The following HIPK3 variants were observed in gnomAD, a reference collection of about 807,000 sequenced individuals.
HIPK3 encodes the protein homeodomain-interacting protein kinase 3.
HIPK3 carries 47 observed loss-of-function variants against 124.2 expected under a neutral mutation model. That is an observed-to-expected ratio of 0.38 (90% CI 0.30 to 0.48). The LOEUF (loss-of-function observed/expected upper bound fraction) is 0.48, where lower values mean the gene tolerates loss of function less well. Ranked by LOEUF, HIPK3 falls within the 20% of genes least tolerant of loss-of-function variation. The pLI is 0.98. For synonymous variants in HIPK3, 482 were observed against 515.2 expected (o/e 0.94, Z 0.87); for missense variants, 1,286 against 1,454.3 (o/e 0.88, Z 1.88).
At chr11:33,301,856 GAGTAC>G (rs1162507006) in intron 2 of HIPK3, among the ~76,000 whole-genome samples, 1 of 34,882 alleles carries the variant, frequency 2.9e-5, no homozygotes, top group Admixed American at 2.8e-4. Context: ...ACACACACAC[GAGTAC>G]AGTACAGTAC....
At chr11:33,315,074 C>T (rs911966846) in intron 2 of HIPK3, among the ~76,000 whole-genome samples, 6 of 152,124 alleles carry the variant, frequency 3.9e-5, no homozygotes, top group South Asian at 2.1e-4. Flanking sequence ...ATTAATTTTT[C>T]GACATTAACA....
At chr11:33,312,612 T>G (rs1027920607) in intron 2 of HIPK3, among the ~76,000 whole-genome samples, 3 of 152,232 alleles carry the variant, frequency 2.0e-5, no homozygotes, top group African/African-American at 7.2e-5. Flanking sequence ...CTTTCCAGTC[T>G]TCTTAACAGA....
upstream of HIPK3, among the ~76,000 whole-genome samples, chr11:33,256,956 G>A (rs575707803): frequency 3.1e-4 from 47 of 152,338 alleles, no homozygotes; most frequent in African/African-American, 1.1e-3. Flanking sequence ...ACGACCAAAT[G>A]CCGAGAAACA....
At chr11:33,310,196 A>G (rs1271438224) in intron 2 of HIPK3, among the ~76,000 whole-genome samples, 1 of 152,244 alleles carries the variant, frequency 6.6e-6, no homozygotes, top group East Asian at 1.9e-4. Context: ...TATGGTAGCC[A>G]CTAATCACTG....
intron 7 of HIPK3, 127 bp from the exon 8 acceptor site, chr11:33,341,436 T>C: frequency 2.9e-6 from 3 of 1,033,170 alleles, no homozygotes; most frequent in Non-Finnish European, 4.0e-6. Context: ...AGCTTGTTTT[T>C]GTTCTCATTT....
intron 2 of HIPK3, among the ~76,000 whole-genome samples, chr11:33,304,097 C>T (rs184687545): frequency 6.6e-6 from 1 of 152,196 alleles, no homozygotes; most frequent in Non-Finnish European, 1.5e-5. Flanking sequence ...TGCACCAGCA[C>T]GTCCAGCTAA....
intron 2 of HIPK3, among the ~76,000 whole-genome samples, chr11:33,290,672 CG>C (rs1851675942): frequency 6.8e-6 from 1 of 147,032 alleles, no homozygotes; most frequent in Non-Finnish European, 1.5e-5. Context: ...GAATGTCTGT[CG>C]GTTTACTAAA....
intron 1 of HIPK3, among the ~76,000 whole-genome samples, chr11:33,269,461 TTC>T (rs559293619): frequency 4.6e-5 from 7 of 151,736 alleles, no homozygotes; most frequent in Non-Finnish European, 1.0e-4. Context: ...AAACTTAAAG[TTC>T]TGTTTTTTTT....
intron 1 of HIPK3, among the ~76,000 whole-genome samples, chr11:33,284,042 G>T (rs745861143): frequency 1.3e-5 from 2 of 152,164 alleles, no homozygotes; most frequent in Non-Finnish European, 2.9e-5. Context: ...TGTAAATAAA[G>T]TGTTAAACTG....
intron 1 of HIPK3, among the ~76,000 whole-genome samples, chr11:33,269,478 C>CT (rs940779039): frequency 8.0e-5 from 12 of 150,810 alleles, no homozygotes; most frequent in East Asian, 1.9e-4. Flanking sequence ...TTTTTTCCTG[C>CT]TTTTTTTTTG....
intron 2 of HIPK3, among the ~76,000 whole-genome samples, chr11:33,289,908 T>C (rs1851654824): frequency 6.6e-6 from 1 of 152,212 alleles, no homozygotes; most frequent in African/African-American, 2.4e-5. Flanking sequence ...AGCGAGAACA[T>C]TGTGAAGTTT....
chr11:33,333,508 A>G (rs117163270), intron 3 of HIPK3, among the ~76,000 whole-genome samples: 1 of 152,292 alleles, frequency 6.6e-6, no homozygotes, highest in Non-Finnish European at 1.5e-5. Context: ...AGTTGAGTTC[A>G]TGAGGCCAGT....
intron 1 of HIPK3, among the ~76,000 whole-genome samples, chr11:33,280,531 A>G (rs1175527570): frequency 1.3e-5 from 2 of 152,120 alleles, no homozygotes; most frequent in African/African-American, 4.8e-5. Flanking sequence ...ATGCCTTCTG[A>G]TGAACTATAA....
intron 5 of HIPK3, 28 bp downstream of exon 5, chr11:33,338,871 C>T (rs759749136): frequency 5.4e-5 from 81 of 1,495,384 alleles, no homozygotes; most frequent in Middle Eastern, 3.4e-4. Context: ...ATTTGTTCAT[C>T]TTACATGCTT....
intron 1 of HIPK3, among the ~76,000 whole-genome samples, chr11:33,273,528 A>C: frequency 6.6e-6 from 1 of 150,922 alleles, no homozygotes; most frequent in Non-Finnish European, 1.5e-5. Flanking sequence ...AAAAAAAAAA[A>C]AAAAAAAAAA....
Position 33,341,056 on chromosome 11 carries a change from A to G in HIPK3, c.1702A>G (p.Arg568Gly), listed in dbSNP as rs765982323. The stretch of plus-strand genomic sequence containing the variant: ...TAATCACAACAAAACTTCACTTTTA[A>G]GACCAGTTGCTTCAAGCAGTACTGC... Reference protein sequence around the residue: ...TNNHNKTSLLRPVASSSTATL... With the variant: ...TNNHNKTSLLGPVASSSTATL... Residue 568 changes from arginine to glycine, a missense_variant, in exon 7 of 17, where the codon AGA becomes GGA. By Grantham distance (125) the Arg-to-Gly change is moderately radical. Transcript: ENST00000303296. 2 of 1,612,270 alleles carry G rather than the reference A, an allele frequency of 1.2e-6. No individual in the cohort carries two copies. The highest frequency in any genetic ancestry group is 1.7e-6 in the Non-Finnish European group (2 of 1,178,754).
In HIPK3 at chr11:33,268,872, G is replaced by A. The variant is rs957895953; in HGVS notation, c.-3+10983G>A. 7.2e-5 allele frequency among the ~76,000 whole-genome samples: 11 copies of A among 152,036 alleles called. No homozygotes were observed. In the East Asian group the frequency reaches 1.2e-3, roughly 16 times the overall value. ...AAATGATTTTGCATTAATTCTATTG[G>A]AAGAAAATGAAATACCTCAACTTCC... On this transcript the variant is annotated intron_variant, in intron 1 of 16. Coordinates refer to ENST00000303296, the MANE Select transcript of HIPK3 (RefSeq NM_005734.5).
At chr11:33,292,467 C>T (rs1305997019) in intron 2 of HIPK3, among the ~76,000 whole-genome samples, 1 of 152,110 alleles carries the variant, frequency 6.6e-6, no homozygotes, top group East Asian at 1.9e-4. Flanking sequence ...GGCTCCGAGC[C>T]TGATCTGAGG....
intron 2 of HIPK3, among the ~76,000 whole-genome samples, chr11:33,313,977 G>GGACT (rs936701799): frequency 6.6e-6 from 1 of 151,966 alleles, no homozygotes; most frequent in Non-Finnish European, 1.5e-5. Flanking sequence ...CAAGTAGCTG[G>GGACT]GACTGAAGGT....
Sources: allele counts gnomAD v4.1 joint callset (sites outside exome capture counted in the v4.1 genomes callset), GRCh38; gene constraint gnomAD v4.1.1; transcripts MANE v1.5; gene names NCBI Gene and HGNC (gene_info 2026-07-23, HGNC 2026-07-21).